The following TACC3 variants were observed in gnomAD, a reference collection of about 807,000 sequenced individuals.
TACC3 encodes transforming acidic coiled-coil containing protein 3.
Under a neutral mutation model 86.0 loss-of-function variants are expected in TACC3, and 52 were observed. The observed-to-expected ratio is 0.60, with a 90% CI of 0.48 to 0.76. The LOEUF is 0.76. TACC3 is among the 30% of genes least tolerant of loss of function. TACC3 has a pLI of 0.00. For synonymous variants in TACC3, 512 were observed against 430.0 expected (o/e 1.19, Z -2.36); for missense variants, 1,120 against 1,070.4 (o/e 1.05, Z -0.65).
chr4:1,728,814 G>A (rs751564365), intron 4 of TACC3, 27 bp downstream of exon 4: 6 of 1,570,444 alleles, frequency 3.8e-6, no homozygotes, highest in South Asian at 2.3e-5. Flanking sequence ...GATGGGGAGC[G>A]TGGCGTGGGG....
At position 1,740,866 on chromosome 4, in the gene TACC3, C is replaced by G; in HGVS notation, c.2103C>G (p.Ile701Met). The change falls in exon 13 of 16, where the codon ATC becomes ATG. Residue 701 changes from isoleucine (I) to methionine (M), a missense_variant. By Grantham distance (10) the Ile-to-Met change is conservative. Transcript: ENST00000313288. The stretch of plus-strand genomic sequence containing the variant: ...AGAAGGAACTTTCCAAAGCTGAAAT[C>G]CAGAAAGTTCTAAAAGAAAAAGACC... ...QKQKELSKAEIQKVLKEKDQL... is the reference protein window; with the variant it reads ...QKQKELSKAEMQKVLKEKDQL... 1 of 1,612,298 alleles carries G rather than the reference C, an allele frequency of 6.2e-7. No homozygotes were observed. The highest frequency in any genetic ancestry group is 8.5e-7 in the Non-Finnish European group (1 of 1,179,580).
chr4:1,740,611 C>T (rs1262100637), intron 12 of TACC3: 1 of 512,190 alleles, frequency 2.0e-6, no homozygotes, highest in South Asian at 2.5e-5. Flanking sequence ...CTCCAGTTCC[C>T]TGCGGATCTG....
chr4:1,738,813 G>A (rs574067972), intron 10 of TACC3, among the ~76,000 whole-genome samples: 193 of 152,234 alleles, frequency 1.3e-3, no homozygotes, highest in African/African-American at 4.4e-3. Flanking sequence ...TCAGAGTGGT[G>A]GGGTGAGTAG....
chr4:1,722,081 C>A (rs1298273946), intron 1 of TACC3, among the ~76,000 whole-genome samples: 1 of 152,194 alleles, frequency 6.6e-6, no homozygotes, highest in Non-Finnish European at 1.5e-5. Context: ...GCCCCTACCG[C>A]TTCCCCGCAC....
At chr4:1,742,374 G>T (rs147501800) in intron 13 of TACC3, among the ~76,000 whole-genome samples, 1 of 152,208 alleles carries the variant, frequency 6.6e-6, no homozygotes, top group African/African-American at 2.4e-5. Flanking sequence ...CCTTGGCCTC[G>T]CCTCTCCCCG....
chr4:1,737,850 C>T, intron 10 of TACC3, 148 bp downstream of exon 10: 1 of 815,876 alleles, frequency 1.2e-6, no homozygotes, highest in Non-Finnish European at 2.1e-6. Flanking sequence ...AGCTGCCGGC[C>T]CCTGGCCTGT....
chr4:1,720,923 T>TGCG (rs1186636557), upstream of TACC3: 1 of 1,147,556 alleles, frequency 8.7e-7, no homozygotes, highest in African/African-American at 1.7e-5. The surrounding 1 kb of genome is among the most constrained non-coding windows in gnomAD (Gnocchi z 4.4). Flanking sequence ...ACCTGTCGGT[T>TGCG]GCGGCGGCCG....
chr4:1,737,063 C>T (rs747722321), intron 8 of TACC3, among the ~76,000 whole-genome samples, 178 bp from the exon 9 acceptor site: 11 of 152,160 alleles, frequency 7.2e-5, no homozygotes, highest in South Asian at 2.1e-4. Context: ...GAGGGGGGCA[C>T]GGAGCAGCAG....
intron 13 of TACC3, 58 bp from the exon 14 acceptor site, chr4:1,744,460 C>T (rs1389349652): frequency 8.6e-6 from 13 of 1,512,896 alleles, no homozygotes; most frequent in African/African-American, 4.1e-5. Context: ...AGACACCAAG[C>T]CTGGGTGCTC....
At chr4:1,724,757 G>A (rs1024142464) in intron 3 of TACC3, among the ~76,000 whole-genome samples, 1 of 150,458 alleles carries the variant, frequency 6.6e-6, no homozygotes, top group Non-Finnish European at 1.5e-5. Flanking sequence ...TTTTGCTGAT[G>A]TAACTGTTGT....
rs1162657421 is a variant in TACC3, at chr4:1,728,278, C to G, written c.876C>G (p.Thr292=). 3 of 1,612,648 alleles carry G rather than the reference C, an allele frequency of 1.9e-6. No individual in the cohort carries two copies. The highest frequency in any genetic ancestry group is 2.7e-5 in the African/African-American group (2 of 74,952). ...PVPADGTQTL[T]CAHTSAPEST... ...CAGCAGATGGCACTCAGACCCTTAC[C>G]TGTGCACACACCTCTGCTCCTGAGA... Residue 292 remains threonine, a synonymous_variant, in exon 4 of 16, where the codon ACC becomes ACG. Coordinates refer to ENST00000313288, the MANE Select transcript of TACC3 (RefSeq NM_006342.3).
chr4:1,744,308 CAG>C (rs1173979345), intron 13 of TACC3: 3 of 565,074 alleles, frequency 5.3e-6, no homozygotes, highest in Non-Finnish European at 9.5e-6. Context: ...CCCGGCATCT[CAG>C]GGTGGAGAGC....
Position 1,727,846 on chromosome 4 carries a change from C to G in TACC3, c.444C>G (p.Ala148=). The G allele has an allele frequency of 6.8e-6, 11 of 1,613,340 alleles. No individual in the cohort carries two copies. The highest frequency in any genetic ancestry group is 9.3e-6 in the Non-Finnish European group (11 of 1,180,026). ...GCTCCAGCGAGTCTGGCCCAGGTGC[C>G]CTGGCTGACCTGGACTGCTCAAGCT... ...SGSSSESGPG[A]LADLDCSSSS... is the part of the protein sequence containing the mutation. Residue 148 remains alanine, a synonymous_variant, in exon 4 of 16, where the codon GCC becomes GCG. Transcript: ENST00000313288.
rs528135748 is a variant in TACC3 at position 1,725,654 on chromosome 4, G to A, written c.305+1784G>A. 2.0e-5 allele frequency among the ~76,000 whole-genome samples: 3 copies of A among 152,308 alleles called. No homozygotes were observed. The South Asian group carries it at 6.2e-4, about 32-fold the overall frequency. ...GCCTCCATAGGGCAGAGGGTGTAGA[G>A]GAGCTGGGAGGGGCTTGAGAGGTTG... On this transcript the variant is annotated intron_variant, in intron 3 of 15. Coordinates refer to ENST00000313288, the MANE Select transcript of TACC3 (RefSeq NM_006342.3).
At position 1,721,586 on chromosome 4, in the gene TACC3, C is replaced by T. The variant is rs1051881602; in HGVS notation, c.-59C>T. On this transcript the variant is annotated 5_prime_UTR_variant, in exon 1 of 16. Coordinates refer to ENST00000313288, the MANE Select transcript of TACC3 (RefSeq NM_006342.3). ...CCCCCGGCGTGGAGCAGACGCGGAC[C>T]CCTCCTTCCTGGCGGCGGCGGCGCG... 2 of 152,418 alleles carry T rather than the reference C, an allele frequency of 1.3e-5. No individual in the cohort carries two copies. The highest frequency in any genetic ancestry group is 1.5e-5 in the Non-Finnish European group (1 of 68,274). The allele number at this position is 152,418 out of a possible 1,614,324, so 9.4% of individuals were successfully genotyped here.
upstream of TACC3, chr4:1,721,376 G>GGA (rs1219486199): frequency 4.9e-5 from 7 of 142,176 alleles, no homozygotes; most frequent in African/African-American, 1.8e-4. Flanking sequence ...CCGAGCGGGG[G>GGA]GTGGGGGGGG....
At chr4:1,738,556 C>T (rs1378100599) in intron 10 of TACC3, among the ~76,000 whole-genome samples, 3 of 152,252 alleles carry the variant, frequency 2.0e-5, no homozygotes, top group Non-Finnish European at 4.4e-5. Context: ...AATGCTTGTT[C>T]TCTGGTGCCA....
intron 4 of TACC3, among the ~76,000 whole-genome samples, chr4:1,730,131 C>T (rs113543834): frequency 2.0e-5 from 3 of 152,362 alleles, no homozygotes; most frequent in African/African-American, 4.8e-5. Context: ...TTCTGCCTCC[C>T]GGGTTCACAC....
chr4:1,733,112 C>G (rs1718085471), intron 6 of TACC3, among the ~76,000 whole-genome samples: 1 of 152,126 alleles, frequency 6.6e-6, no homozygotes, highest in Admixed American at 6.6e-5. Flanking sequence ...CTTGTTGATC[C>G]TAGACTTCCA....
Sources: allele counts gnomAD v4.1 joint callset (sites outside exome capture counted in the v4.1 genomes callset), GRCh38; gene constraint gnomAD v4.1.1; non-coding constraint Gnocchi (gnomAD v3.1); transcripts MANE v1.5; gene names NCBI Gene and HGNC (gene_info 2026-07-23, HGNC 2026-07-21).